DNAH5: variants seen among roughly 807,000 people sequenced by gnomAD.
DNAH5 encodes the protein dynein axonemal heavy chain 5, also known as axonemal beta dynein heavy chain 5.
Under a neutral mutation model 518.2 loss-of-function variants are expected in DNAH5, and 372 were observed. The observed-to-expected ratio is 0.72, with a 90% CI of 0.66 to 0.78. The LOEUF (loss-of-function observed/expected upper bound fraction) is 0.78. DNAH5 is among the 30% of genes least tolerant of loss of function. The pLI is 0.00. For synonymous variants in DNAH5, 2,039 were observed against 2,025.9 expected (o/e 1.01, Z -0.17); for missense variants, 5,523 against 5,687.0 (o/e 0.97, Z 0.93).
At chr5:13,884,801 C>T (rs1022320674) in intron 19 of DNAH5, among the ~76,000 whole-genome samples, 188 bp downstream of exon 19, 5 of 152,124 alleles carry the variant, frequency 3.3e-5, no homozygotes, top group African/African-American at 1.2e-4. Context: ...GTGCCGCTAC[C>T]CTCCAACCTG....
chr5:13,992,021 T>C (rs939044940), intron 1 of DNAH5, among the ~76,000 whole-genome samples: 2 of 152,178 alleles, frequency 1.3e-5, no homozygotes, highest in Non-Finnish European at 2.9e-5. Flanking sequence ...AAACTGGTAC[T>C]AGACAAGAGA....
chr5:13,974,116 A>T (rs1782062906), intron 1 of DNAH5, among the ~76,000 whole-genome samples: 3 of 146,844 alleles, frequency 2.0e-5, no homozygotes, highest in South Asian at 4.4e-4. Context: ...TCTTTTCTTT[A>T]TTTTAATTAG....
At chr5:13,770,718 ATATAGC>A in intron 56 of DNAH5, 25 bp downstream of exon 56, 1 of 1,597,652 alleles carries the variant, frequency 6.3e-7, no homozygotes, top group Admixed American at 1.7e-5. Flanking sequence ...CACGGCTTTA[ATATAGC>A]TTTGTATAAG....
Position 13,919,168 on chromosome 5 carries a change from C to A in DNAH5, c.975+8G>T. ...CATTTCACAAGGCAAAATGAAATGG[C>A]TGACGACCTTCAGCAGTTTCGACTT... On this transcript the variant is annotated splice_region_variant and intron_variant, in intron 7 of 78. Coordinates refer to ENST00000265104, the MANE Select transcript of DNAH5 (RefSeq NM_001369.3). The A allele has an allele frequency of 6.2e-7, 1 of 1,613,910 alleles. No individual in the cohort carries two copies. The highest frequency in any genetic ancestry group is 8.5e-7 in the Non-Finnish European group (1 of 1,179,838).
At chr5:13,754,109 T>C (rs1750652676) in intron 62 of DNAH5, 94 bp downstream of exon 62, 3 of 1,463,550 alleles carry the variant, frequency 2.0e-6, no homozygotes, top group Non-Finnish European at 2.9e-6. Flanking sequence ...ACATGCGCCA[T>C]GTTGGACACA....
In DNAH5 at chr5:13,719,024, A is replaced by C. The variant is rs1387062644; in HGVS notation, c.12357T>G (p.Thr4119=). 2 of 1,614,144 alleles carry C rather than the reference A, an allele frequency of 1.2e-6. No individual in the cohort carries two copies. The highest frequency in any genetic ancestry group is 8.5e-7 in the Non-Finnish European group (1 of 1,180,008). The change falls in exon 72 of 79, where the codon ACT becomes ACG. Residue 4119 remains threonine, a synonymous_variant. Transcript: ENST00000265104. ...GGCGGAACGCATCATGTACAAGCTC[A>C]GTTTCTATGATTATGTCCATCAGCT... is the stretch of plus-strand genomic sequence containing the variant. ...MDELMDIIIE[T]ELVHDAFRLW... is the part of the protein sequence containing the mutation.
At chr5:13,850,604 C>T (rs1766695250) in intron 31 of DNAH5, 48 bp downstream of exon 31, 1 of 1,567,806 alleles carries the variant, frequency 6.4e-7, no homozygotes, top group African/African-American at 1.3e-5. Context: ...TCCCTGTATC[C>T]TTTTGTCTCA....
chr5:13,991,976 G>T (rs779579050), intron 1 of DNAH5, among the ~76,000 whole-genome samples: 1 of 152,166 alleles, frequency 6.6e-6, no homozygotes, highest in African/African-American at 2.4e-5. Flanking sequence ...GAAGCAGAAT[G>T]AACGGACTTT....
At chr5:13,813,785 AG>A (rs1251821935) in intron 43 of DNAH5, among the ~76,000 whole-genome samples, 1 of 152,244 alleles carries the variant, frequency 6.6e-6, no homozygotes, top group Non-Finnish European at 1.5e-5. Flanking sequence ...ATTAGTAAAA[AG>A]TTAGGATATA....
chr5:13,765,925 C>T, intron 59 of DNAH5, 51 bp downstream of exon 59: 2 of 1,540,440 alleles, frequency 1.3e-6, no homozygotes, highest in Non-Finnish European at 1.8e-6. Context: ...AGGACTCATA[C>T]ACCAGTGAAG....
In DNAH5 at chr5:13,786,263, C is replaced by T; in HGVS notation, c.8736G>A (p.Met2912Ile). The change falls in exon 52 of 79, where the codon ATG becomes ATA. Residue 2912 changes from methionine to isoleucine, a missense_variant. Physicochemically the swap from Met to Ile is conservative, Grantham distance 10 (BLOSUM62 1). Around this residue, in one of 3 missense-constraint regions of DNAH5, gnomAD observed 5,121 missense variants for 5,223.3 expected, o/e 0.98. Transcript: ENST00000265104. ...SFSHLKERLNMFLQLYNESIR... is the reference protein window; with the variant it reads ...SFSHLKERLNIFLQLYNESIR... ...TGCTCTCATTATAGAGCTGCAGGAA[C>T]ATATTCAGACGCTCTTTTAGGTGAC... 2 of 1,614,102 alleles carry T rather than the reference C, an allele frequency of 1.2e-6. No homozygotes were observed. The highest frequency in any genetic ancestry group is 1.7e-6 in the Non-Finnish European group (2 of 1,180,012).
intron 70 of DNAH5, among the ~76,000 whole-genome samples, chr5:13,722,537 C>T (rs1745192965): frequency 6.6e-6 from 1 of 152,160 alleles, no homozygotes; most frequent in Non-Finnish European, 1.5e-5. Flanking sequence ...TGAGTCTAGA[C>T]TGTTGAACGA....
At chr5:13,942,452 C>A (rs1425028418) in intron 1 of DNAH5, among the ~76,000 whole-genome samples, 2 of 152,176 alleles carry the variant, frequency 1.3e-5, no homozygotes, top group Non-Finnish European at 2.9e-5. Context: ...TATCAGTTGA[C>A]AAACTTTCCT....
chr5:13,786,438 C>A, intron 51 of DNAH5, 87 bp from the exon 52 acceptor site: 2 of 1,302,106 alleles, frequency 1.5e-6, no homozygotes, highest in Non-Finnish European at 2.2e-6. Flanking sequence ...AGCTCTACAA[C>A]CTAACACTGA....
chr5:13,875,128 A>G (rs1770698649), intron 22 of DNAH5, among the ~76,000 whole-genome samples: 2 of 152,218 alleles, frequency 1.3e-5, no homozygotes, highest in Admixed American at 1.3e-4. Context: ...AAGGAAAACT[A>G]ATATCTGAGC....
chr5:13,734,715 T>C (rs1747109402), intron 68 of DNAH5, among the ~76,000 whole-genome samples: 1 of 152,138 alleles, frequency 6.6e-6, no homozygotes, highest in Non-Finnish European at 1.5e-5. Flanking sequence ...TGCCACCCCA[T>C]TAAATATCCC....
intron 1 of DNAH5, among the ~76,000 whole-genome samples, chr5:14,006,915 T>C (rs910941774): frequency 9.2e-5 from 14 of 152,164 alleles, no homozygotes; most frequent in Non-Finnish European, 1.6e-4. Context: ...GCCTCCACAA[T>C]GAGCTCCACT....
intron 1 of DNAH5, among the ~76,000 whole-genome samples, chr5:14,005,523 C>A (rs1023430591): frequency 2.6e-5 from 4 of 152,232 alleles, no homozygotes; most frequent in African/African-American, 9.6e-5. Flanking sequence ...CACACCACTT[C>A]AGCTCCTTGA....
chr5:13,976,431 T>C (rs1374465272), intron 1 of DNAH5, among the ~76,000 whole-genome samples: 1 of 152,100 alleles, frequency 6.6e-6, no homozygotes, highest in Non-Finnish European at 1.5e-5. Flanking sequence ...TTGTCCAGAG[T>C]ACCCATGCTG....
Sources: allele counts gnomAD v4.1 joint callset (sites outside exome capture counted in the v4.1 genomes callset), GRCh38; gene constraint gnomAD v4.1.1; regional missense constraint gnomAD v4.1.1; transcripts MANE v1.5; gene names NCBI Gene and HGNC (gene_info 2026-07-23, HGNC 2026-07-21).